ANKRD13C: variants seen among roughly 807,000 people sequenced by gnomAD.
ANKRD13C encodes ankyrin repeat domain 13C.
A neutral mutation model predicts 65.5 loss-of-function variants in ANKRD13C; 16 were observed. The ratio of observed to expected loss-of-function variants is 0.24; its 90% CI spans 0.17 to 0.37. The LOEUF (loss-of-function observed/expected upper bound fraction) is 0.37, where lower values mean the gene tolerates loss of function less well. Among genes scored for constraint, ANKRD13C ranks in the 10% least tolerant of loss-of-function variants. The pLI is 1.00. For synonymous variants in ANKRD13C, 235 were observed against 238.7 expected (o/e 0.98, Z 0.14); for missense variants, 503 against 655.9 (o/e 0.77, Z 2.55).
chr1:70,298,938 T>C (rs1044851612), intron 7 of ANKRD13C, among the ~76,000 whole-genome samples: 3 of 152,126 alleles, frequency 2.0e-5, no homozygotes, highest in Non-Finnish European at 2.9e-5. Flanking sequence ...TACCAACCTA[T>C]AGCGTAGAAT....
Position 70,334,579 on chromosome 1 carries a change from T to G in ANKRD13C, c.472+1479A>C, listed in dbSNP as rs531689209. 2.4e-4 allele frequency among the ~76,000 whole-genome samples: 37 copies of G among 152,104 alleles called. No individual in the cohort carries two copies. In the South Asian group the frequency reaches 7.3e-3, roughly 30 times the overall value. ...GAGTTCTCAAGACTGCAGTGACCCA[T>G]GATTGCATCATTGCACTCCACCCTG... is the stretch of plus-strand genomic sequence containing the variant. On this transcript the variant is annotated intron_variant, in intron 2 of 12. Coordinates refer to ENST00000370944, the MANE Select transcript of ANKRD13C (RefSeq NM_030816.5).
intron 9 of ANKRD13C, among the ~76,000 whole-genome samples, chr1:70,285,089 AAATT>A (rs1329520078): frequency 6.6e-6 from 1 of 152,150 alleles, no homozygotes; most frequent in East Asian, 1.9e-4. Context: ...TGTGACTTGA[AAATT>A]AATATAGCAC....
At chr1:70,300,716 C>CT (rs34074291) in intron 7 of ANKRD13C, 48 bp downstream of exon 7, 1,821 of 1,419,396 alleles carry the variant, frequency 1.3e-3, no homozygotes, top group South Asian at 2.3e-3. Flanking sequence ...AAAACCTATA[C>CT]TTTTTTTTTA....
intron 7 of ANKRD13C, among the ~76,000 whole-genome samples, chr1:70,299,010 C>T (rs1680210814): frequency 1.3e-5 from 2 of 151,242 alleles, no homozygotes; most frequent in African/African-American, 4.9e-5. Flanking sequence ...CCTTGAGGAG[C>T]TTAGACCAAT....
chr1:70,293,643 A>T (rs1679954310), intron 8 of ANKRD13C: 1 of 775,810 alleles, frequency 1.3e-6, no homozygotes. Context: ...ACAAAGTACA[A>T]ACAAATAAGA....
chr1:70,352,260 A>G (rs1363556075), intron 1 of ANKRD13C, among the ~76,000 whole-genome samples: 2 of 149,238 alleles, frequency 1.3e-5, no homozygotes, highest in African/African-American at 4.9e-5. Flanking sequence ...GAATGGCGTG[A>G]ACCCGGGAGG....
At chr1:70,283,451 G>A (rs893499486) in intron 9 of ANKRD13C, among the ~76,000 whole-genome samples, 1 of 151,826 alleles carries the variant, frequency 6.6e-6, no homozygotes, top group Non-Finnish European at 1.5e-5. Context: ...ATTTTATATG[G>A]CAAAGCTTTC....
chr1:70,315,483 C>G lies in ANKRD13C; in HGVS notation c.661G>C (p.Glu221Gln). 1.3e-6 allele frequency: 2 copies of G among 1,598,136 alleles called. No homozygotes were observed. Among genetic ancestry groups the G allele is most frequent in the Non-Finnish European group, 8.5e-7 (1 of 1,170,612 alleles). ...ATTAACAAAGAAATATAGCTTACCT[C>G]TTTCAGGGCTTTTAATAATCGAGGT... ...KRPRLLKALKELGDFYLELHW... is the reference protein window; with the variant it reads ...KRPRLLKALKQLGDFYLELHW... Residue 221 changes from glutamate (E) to glutamine (Q), a missense_variant and splice_region_variant, in exon 4 of 13, where the codon GAG becomes CAG. Transcript: ENST00000370944.
chr1:70,278,895 A>T (rs1036269711), intron 9 of ANKRD13C, among the ~76,000 whole-genome samples: 2 of 152,082 alleles, frequency 1.3e-5, no homozygotes, highest in South Asian at 4.1e-4. Context: ...TAATGGAGAT[A>T]ACGTATATAA....
intron 9 of ANKRD13C, among the ~76,000 whole-genome samples, chr1:70,282,749 T>C (rs964071124): frequency 1.3e-5 from 2 of 152,210 alleles, no homozygotes; most frequent in African/African-American, 2.4e-5. Flanking sequence ...ATGCGTTTAA[T>C]AGAACCTTTA....
At chr1:70,281,268 G>A (rs372273315) in intron 9 of ANKRD13C, among the ~76,000 whole-genome samples, 3 of 151,928 alleles carry the variant, frequency 2.0e-5, no homozygotes, top group Admixed American at 6.6e-5. Context: ...TGTCTCCCCA[G>A]TATCTGTTCT....
intron 12 of ANKRD13C, 101 bp from the exon 13 acceptor site, chr1:70,262,948 A>AAAAG: frequency 3.3e-6 from 3 of 898,462 alleles, no homozygotes; most frequent in Non-Finnish European, 4.7e-6. Flanking sequence ...AAATGTAAAA[A>AAAAG]AAAAAAAAAA....
intron 1 of ANKRD13C, among the ~76,000 whole-genome samples, chr1:70,345,553 C>T (rs1448467134): frequency 6.6e-6 from 1 of 151,390 alleles, no homozygotes; most frequent in Non-Finnish European, 1.5e-5. Flanking sequence ...ATGCATGATT[C>T]TGTAACACCA....
chr1:70,292,568 T>G lies in ANKRD13C; in HGVS notation c.1054-19A>C. On this transcript the variant is annotated intron_variant, in intron 8 of 12. Transcript: ENST00000370944. ...CTCTTTCCTAAAACAAAACCAAATA[T>G]TTAAAAGTAAAATTTTTAGGTTAAA... 6.4e-7 allele frequency: 1 copy of G among 1,564,922 alleles called. No individual in the cohort carries two copies. Among genetic ancestry groups the G allele is most frequent in the South Asian group, 1.2e-5 (1 of 81,482 alleles).
chr1:70,354,124 C>T lies in ANKRD13C; in HGVS notation c.285G>A (p.Leu95=). The change falls in exon 1 of 13, where the codon CTG becomes CTA. Residue 95 remains leucine, a synonymous_variant. Transcript: ENST00000370944. ...CGACAGCAACGGGGTTGGTGCCGGCCAGAAGGGCCGGGGACTGGGAGTTGG... is the reference window on the plus strand; with the variant it reads ...CGACAGCAACGGGGTTGGTGCCGGCTAGAAGGGCCGGGGACTGGGAGTTGG... ...VTANSQSPAL[L]AGTNPVAVVA... is the part of the protein sequence containing the mutation. The T allele has an allele frequency of 6.2e-7, 1 of 1,613,748 alleles. No homozygotes were observed. Among genetic ancestry groups the T allele is most frequent in the Non-Finnish European group, 8.5e-7 (1 of 1,179,768 alleles).
At chr1:70,319,736 A>G (rs1488274522) in intron 3 of ANKRD13C, among the ~76,000 whole-genome samples, 1 of 151,712 alleles carries the variant, frequency 6.6e-6, no homozygotes, top group Non-Finnish European at 1.5e-5. Context: ...TTTAACTTCT[A>G]AAACCCTTTG....
At position 70,259,193 on chromosome 1, in the gene ANKRD13C, C is replaced by T. The variant is rs2101076307; in HGVS notation, c.*3524G>A. ...CCAATTACTGTCATCCTTCTTTAGTCATCAAGAACTCTATGTATGGGAGGT... is the reference window on the plus strand; with the variant it reads ...CCAATTACTGTCATCCTTCTTTAGTTATCAAGAACTCTATGTATGGGAGGT... On this transcript the variant is annotated 3_prime_UTR_variant, in exon 13 of 13. Transcript: ENST00000370944. Among the ~76,000 whole-genome samples, 1 of 152,276 alleles carries T rather than the reference C, an allele frequency of 6.6e-6. No homozygotes were observed. The highest frequency in any genetic ancestry group is 1.5e-5 in the Non-Finnish European group (1 of 68,016).
At chr1:70,308,723 A>G (rs1178524019) in intron 5 of ANKRD13C, among the ~76,000 whole-genome samples, 1 of 144,336 alleles carries the variant, frequency 6.9e-6, no homozygotes, top group East Asian at 2.1e-4. Context: ...TGGGCGACAG[A>G]GCGAGACTCC....
At chr1:70,344,166 C>T (rs922226997) in intron 1 of ANKRD13C, among the ~76,000 whole-genome samples, 21 of 151,858 alleles carry the variant, frequency 1.4e-4, no homozygotes, top group Non-Finnish European at 1.5e-4. Context: ...GGTGTGGTGG[C>T]AGGCGCCTGT....
Sources: allele counts gnomAD v4.1 joint callset (sites outside exome capture counted in the v4.1 genomes callset), GRCh38; gene constraint gnomAD v4.1.1; transcripts MANE v1.5; gene names NCBI Gene and HGNC (gene_info 2026-07-23, HGNC 2026-07-21).